The following PRKG1 variants were observed in gnomAD, a reference collection of about 807,000 sequenced individuals.
The protein encoded by PRKG1 is cGMP-dependent protein kinase 1.
Under a neutral mutation model 88.1 loss-of-function variants are expected in PRKG1, and 35 were observed. That is an observed-to-expected ratio of 0.40 (90% CI 0.30 to 0.53). The LOEUF (loss-of-function observed/expected upper bound fraction) is 0.53, where lower values mean the gene tolerates loss of function less well. PRKG1 is among the 20% of genes least tolerant of loss of function. The pLI, the probability that PRKG1 is intolerant of heterozygous loss-of-function variation, is 0.59. For missense variants in PRKG1, 540 were observed against 839.8 expected (o/e 0.64, Z 4.41); for synonymous variants, 303 against 292.5 (o/e 1.04, Z -0.37).
At chr10:52,258,298 C>A (rs1297792265) in intron 10 of PRKG1, among the ~76,000 whole-genome samples, 2 of 139,176 alleles carry the variant, frequency 1.4e-5, no homozygotes, top group East Asian at 2.1e-4. Context: ...ACAGCTCTTA[C>A]AAAAGTTGAC....
intron 1 of PRKG1, among the ~76,000 whole-genome samples, chr10:51,076,031 C>T (rs1843943534): frequency 6.6e-6 from 1 of 152,186 alleles, no homozygotes. Context: ...TCCATCGAAA[C>T]CCTTCACTTC....
intron 3 of PRKG1, among the ~76,000 whole-genome samples, chr10:51,718,510 G>T (rs10762327): frequency 1.3e-5 from 2 of 152,000 alleles, no homozygotes; most frequent in African/African-American, 4.8e-5. Context: ...TTCTTCTAAA[G>T]GGTAGCCATT....
intron 3 of PRKG1, among the ~76,000 whole-genome samples, chr10:51,624,534 T>C (rs1839286813): frequency 6.6e-6 from 1 of 152,240 alleles, no homozygotes; most frequent in Non-Finnish European, 1.5e-5. Context: ...CTGTCTGGCA[T>C]AATCTTTTAA....
At chr10:52,087,426 A>C (rs1258957437) in intron 7 of PRKG1, among the ~76,000 whole-genome samples, 1 of 152,114 alleles carries the variant, frequency 6.6e-6, no homozygotes, top group Non-Finnish European at 1.5e-5. Context: ...TTTTTTGAGA[A>C]ATATTCCACA....
chr10:52,287,891 C>G (rs1291868070), intron 14 of PRKG1, among the ~76,000 whole-genome samples: 1 of 151,942 alleles, frequency 6.6e-6, no homozygotes, highest in Admixed American at 6.6e-5. Context: ...TTAGTATGTA[C>G]ATGCTGCAAA....
chr10:51,534,625 C>T (rs1436262509), intron 3 of PRKG1, among the ~76,000 whole-genome samples: 2 of 143,090 alleles, frequency 1.4e-5, no homozygotes, highest in East Asian at 4.2e-4. Context: ...CGAGATCACG[C>T]CACTGCACTC....
intron 4 of PRKG1, among the ~76,000 whole-genome samples, chr10:51,846,475 T>C (rs911531199): frequency 6.6e-6 from 1 of 152,180 alleles, no homozygotes; most frequent in African/African-American, 2.4e-5. Flanking sequence ...AATAGGACAG[T>C]GGCAGAGGTT....
chr10:51,987,277 C>A (rs1844184816), intron 5 of PRKG1, among the ~76,000 whole-genome samples: 1 of 149,574 alleles, frequency 6.7e-6, no homozygotes, highest in African/African-American at 2.5e-5. Context: ...TTTGTGAAGC[C>A]ACTGCAAGCT....
intron 3 of PRKG1, among the ~76,000 whole-genome samples, chr10:51,513,878 C>T (rs1395045236): frequency 3.3e-3 from 360 of 108,164 alleles, no homozygotes; most frequent in Admixed American, 9.9e-3. Flanking sequence ...GCACTAAATG[C>T]CCACAAGAGA....
rs141296033 is a variant in PRKG1 at position 52,005,881 on chromosome 10, T to C, written c.763-48603T>C. ...TTCACAGGAAGCACACAGATGCAGA[T>C]CAGGGCCAACCTGGCAAGGATATGG... is the stretch of plus-strand genomic sequence containing the variant. On this transcript the variant is annotated intron_variant, in intron 5 of 17. Transcript: ENST00000373980. 1.4e-3 allele frequency among the ~76,000 whole-genome samples: 209 copies of C among 151,956 alleles called. 1 individual carries two copies. Among genetic ancestry groups the C allele is most frequent in the African/African-American group, 4.7e-3 (194 of 41,438 alleles).
At chr10:52,111,751 G>A (rs1275809811) in intron 7 of PRKG1, among the ~76,000 whole-genome samples, 3 of 152,138 alleles carry the variant, frequency 2.0e-5, no homozygotes, top group Non-Finnish European at 4.4e-5. Flanking sequence ...AGGGTTGTTG[G>A]TAGGACATTC....
intron 3 of PRKG1, among the ~76,000 whole-genome samples, chr10:51,737,456 T>C (rs1343563209): frequency 6.6e-6 from 1 of 152,202 alleles, no homozygotes; most frequent in Admixed American, 6.5e-5. Context: ...TTGCTTTCAA[T>C]CTAATTGAGA....
intron 5 of PRKG1, among the ~76,000 whole-genome samples, chr10:51,997,447 G>C (rs1213640800): frequency 1.4e-5 from 2 of 147,300 alleles, no homozygotes; most frequent in Non-Finnish European, 3.0e-5. Context: ...CTCCAGCCTG[G>C]CAAGAGAGTG....
chr10:51,114,010 CTG>C (rs1305291468), intron 1 of PRKG1, among the ~76,000 whole-genome samples: 11 of 149,364 alleles, frequency 7.4e-5, no homozygotes, highest in South Asian at 6.4e-4. Context: ...TTAACTAAAA[CTG>C]TGTTTCTTTC....
At chr10:51,783,852 A>G (rs1254178647) in intron 3 of PRKG1, among the ~76,000 whole-genome samples, 2 of 152,166 alleles carry the variant, frequency 1.3e-5, no homozygotes, top group Non-Finnish European at 2.9e-5. Flanking sequence ...CAACTGAGAC[A>G]GTTTATAAAT....
intron 2 of PRKG1, among the ~76,000 whole-genome samples, chr10:51,228,633 C>A (rs1422718030): frequency 1.3e-5 from 2 of 152,126 alleles, no homozygotes; most frequent in Admixed American, 6.6e-5. Flanking sequence ...TAGTGAGCAT[C>A]AGGTGTGGTT....
At chr10:51,057,663 T>C (rs1313375146) in intron 1 of PRKG1, among the ~76,000 whole-genome samples, 2 of 152,298 alleles carry the variant, frequency 1.3e-5, no homozygotes, top group African/African-American at 4.8e-5. Context: ...TTGCTGAGTA[T>C]TGTTTTGAGT....
Position 51,263,260 on chromosome 10 carries a change from G to T in PRKG1, c.478+109930G>T, listed in dbSNP as rs182569397. Among the ~76,000 whole-genome samples, 57 of 152,190 alleles carry T rather than the reference G, an allele frequency of 3.7e-4. No homozygotes were observed. In the East Asian group the frequency reaches 7.9e-3, roughly 21 times the overall value. On this transcript the variant is annotated intron_variant, in intron 2 of 17. Transcript: ENST00000373980. ...TTTCCTGACTTCCTCAATCTTCATTGTCTCTTTCTAAAATTTCTTGATTTT... is the reference window on the plus strand; with the variant it reads ...TTTCCTGACTTCCTCAATCTTCATTTTCTCTTTCTAAAATTTCTTGATTTT...
chr10:51,400,696 A>T (rs923913837), intron 2 of PRKG1, among the ~76,000 whole-genome samples: 1 of 152,210 alleles, frequency 6.6e-6, no homozygotes, highest in Admixed American at 6.5e-5. Context: ...CCCGGCACAA[A>T]TGTTTTCCCT....
Sources: gnomAD v4.1 joint callset for allele counts (sites outside exome capture counted in the v4.1 genomes callset) on GRCh38, gnomAD v4.1.1 for gene constraint, MANE v1.5 for transcripts, NCBI Gene and HGNC (gene_info 2026-07-23, HGNC 2026-07-21) for gene names.